The following SWT1 variants were observed in gnomAD, a reference collection of about 807,000 sequenced individuals.
SWT1 encodes SWT1 RNA endoribonuclease homolog, also known as transcriptional protein SWT1.
A neutral mutation model predicts 107.3 loss-of-function variants in SWT1; 33 were observed. That is an observed-to-expected ratio of 0.31 (90% CI 0.23 to 0.41). The LOEUF (loss-of-function observed/expected upper bound fraction) is 0.41. Among genes scored for constraint, SWT1 ranks in the 10% least tolerant of loss-of-function variants. The pLI is 1.00. For synonymous variants in SWT1, 345 were observed against 348.3 expected (o/e 0.99, Z 0.11); for missense variants, 898 against 1,028.9 (o/e 0.87, Z 1.74).
intron 11 of SWT1, among the ~76,000 whole-genome samples, chr1:185,204,280 A>AG (rs1016102465): frequency 2.0e-5 from 3 of 151,724 alleles, no homozygotes; most frequent in Non-Finnish European, 2.9e-5. Context: ...CCGTCTCAAA[A>AG]GAAAAAAAAA....
chr1:185,238,665 G>A (rs1273651882), intron 16 of SWT1, among the ~76,000 whole-genome samples: 1 of 151,760 alleles, frequency 6.6e-6, no homozygotes, highest in Non-Finnish European at 1.5e-5. Context: ...TGAATAAACT[G>A]GTTTGCTTAA....
chr1:185,284,889 C>CT lies in SWT1; in HGVS notation c.2574-5771dup, dbSNP rs111492496. Among the ~76,000 whole-genome samples the CT allele has an allele frequency of 7.0e-3, 987 of 141,940 alleles. 8 individuals are homozygous for CT. The highest frequency in any genetic ancestry group is 0.011 in the African/African-American group (430 of 38,968). 93.1% of individuals were successfully genotyped at this position (141,940 alleles called of 152,430 possible). A position where few individuals can be genotyped will look rare whatever the true frequency, so the allele number is the denominator to read the frequency against. On this transcript the variant is annotated intron_variant, in intron 18 of 18. Transcript: ENST00000367500. ...AGGCTTGCATTCCTCAGATAAGTGT[C>CT]TTTTTTTTTTTTTTCCATGCCAGTG...
intron 18 of SWT1, among the ~76,000 whole-genome samples, chr1:185,279,972 A>C (rs1046409714): frequency 6.6e-6 from 1 of 152,178 alleles, no homozygotes; most frequent in African/African-American, 2.4e-5. Flanking sequence ...TATTTATTGC[A>C]ATAAGGAGAT....
At position 185,276,625 on chromosome 1, in the gene SWT1, A is replaced by G. The variant is rs770387008; in HGVS notation, c.2530A>G (p.Thr844Ala). 39 of 1,582,944 alleles carry G rather than the reference A, an allele frequency of 2.5e-5. No homozygotes were observed. The highest frequency in any genetic ancestry group is 3.2e-5 in the Non-Finnish European group (37 of 1,157,004). The change falls in exon 18 of 19, where the codon ACT (threonine) becomes GCT (alanine). Residue 844 changes from threonine to alanine, a missense_variant. Physicochemically the swap from Thr to Ala is moderately conservative, Grantham distance 58 (BLOSUM62 0). Around this residue, in one of 6 missense-constraint regions of SWT1, gnomAD observed 382 missense variants for 460.0 expected, o/e 0.83. Transcript: ENST00000367500. ...KYEVNKNVKFTAQEIYDCVSQ... is the reference protein window; with the variant it reads ...KYEVNKNVKFAAQEIYDCVSQ... ...TCAGGTAAATAAAAATGTCAAATTT[A>G]CTGCCCAGGAAATTTATGATTGTGT...
At chr1:185,187,534 T>G (rs939035211) in intron 9 of SWT1, among the ~76,000 whole-genome samples, 1 of 152,164 alleles carries the variant, frequency 6.6e-6, no homozygotes, top group African/African-American at 2.4e-5. Flanking sequence ...CCTGTAACAG[T>G]GAATAAGAAA....
At chr1:185,279,580 A>C (rs371427272) in intron 18 of SWT1, among the ~76,000 whole-genome samples, 2 of 152,040 alleles carry the variant, frequency 1.3e-5, no homozygotes, top group East Asian at 1.9e-4. Context: ...CTTTCAGTTA[A>C]TACTATTTAG....
intron 10 of SWT1, among the ~76,000 whole-genome samples, chr1:185,201,102 C>A (rs1363332961): frequency 2.0e-5 from 3 of 152,196 alleles, no homozygotes; most frequent in East Asian, 1.9e-4. Flanking sequence ...CCCCTCCCCC[C>A]ACCAAATTCC....
At chr1:185,239,652 T>C (rs1661127721) in intron 16 of SWT1, among the ~76,000 whole-genome samples, 1 of 152,100 alleles carries the variant, frequency 6.6e-6, no homozygotes, top group Non-Finnish European at 1.5e-5. Context: ...TTGAGCACTT[T>C]TGTTAATAGT....
intron 9 of SWT1, 89 bp from the exon 10 acceptor site, chr1:185,190,460 T>C (rs964882699): frequency 2.7e-6 from 2 of 728,960 alleles, no homozygotes; most frequent in African/African-American, 3.5e-5. Flanking sequence ...CTCTTAGATA[T>C]TTTTGTTTTG....
At chr1:185,255,503 C>G (rs1363317408) in intron 16 of SWT1, among the ~76,000 whole-genome samples, 1 of 129,120 alleles carries the variant, frequency 7.7e-6, no homozygotes, top group Non-Finnish European at 1.6e-5. Flanking sequence ...GTTAGCTCTT[C>G]TTGTTGAATT....
intron 15 of SWT1, chr1:185,227,053 T>C: frequency 4.1e-6 from 4 of 971,046 alleles, no homozygotes; most frequent in Non-Finnish European, 6.6e-6. Context: ...TAAGCATCTT[T>C]ATCTTCTTCC....
intron 10 of SWT1, among the ~76,000 whole-genome samples, chr1:185,201,372 C>T (rs772204632): frequency 1.1e-4 from 16 of 152,150 alleles, no homozygotes; most frequent in Non-Finnish European, 1.9e-4. Context: ...ACCCAGGGCC[C>T]TAGTGATGTA....
At chr1:185,241,065 T>G (rs1488689741) in intron 16 of SWT1, among the ~76,000 whole-genome samples, 1 of 152,108 alleles carries the variant, frequency 6.6e-6, no homozygotes, top group Non-Finnish European at 1.5e-5. Context: ...CCTCTTAAGA[T>G]TTTGGAAAAG....
At chr1:185,217,557 G>A (rs1659315919) in intron 14 of SWT1, among the ~76,000 whole-genome samples, 1 of 151,888 alleles carries the variant, frequency 6.6e-6, no homozygotes, top group African/African-American at 2.4e-5. Flanking sequence ...CTACATTATG[G>A]TGAGTTGTAT....
At chr1:185,166,283 C>T (rs1654558795) in intron 2 of SWT1, among the ~76,000 whole-genome samples, 1 of 152,198 alleles carries the variant, frequency 6.6e-6, no homozygotes, top group Non-Finnish European at 1.5e-5. Context: ...GACTGACTCT[C>T]ACCATGGCAG....
intron 14 of SWT1, among the ~76,000 whole-genome samples, chr1:185,216,221 T>C (rs1295079039): frequency 6.6e-6 from 1 of 152,196 alleles, no homozygotes; most frequent in Non-Finnish European, 1.5e-5. Context: ...TCTTTTGGTT[T>C]GAGATGACCA....
chr1:185,278,380 A>G (rs184820762), intron 18 of SWT1, among the ~76,000 whole-genome samples: 7 of 152,266 alleles, frequency 4.6e-5, no homozygotes, highest in Non-Finnish European at 1.0e-4. Flanking sequence ...CCAGACACCA[A>G]ATCTGCTGGT....
chr1:185,259,637 A>T (rs1419275207), intron 16 of SWT1, among the ~76,000 whole-genome samples: 1 of 152,086 alleles, frequency 6.6e-6, no homozygotes, highest in Admixed American at 6.5e-5. Context: ...ATTACTATCA[A>T]AGTTTTCTTG....
intron 14 of SWT1, 150 bp downstream of exon 14, chr1:185,214,805 A>G (rs533763562): frequency 4.9e-6 from 3 of 606,708 alleles, no homozygotes; most frequent in Admixed American, 3.8e-5. Flanking sequence ...AATTGAATAC[A>G]GAGTAAGCAA....
Sources: gnomAD v4.1 joint callset for allele counts (sites outside exome capture counted in the v4.1 genomes callset) on GRCh38, gnomAD v4.1.1 for gene constraint, gnomAD v4.1.1 regional missense constraint, MANE v1.5 for transcripts, NCBI Gene and HGNC (gene_info 2026-07-23, HGNC 2026-07-21) for gene names.